UBE2L3: variants seen among roughly 807,000 people sequenced by gnomAD.
UBE2L3 encodes the protein ubiquitin conjugating enzyme E2 L3.
UBE2L3 carries 1 observed loss-of-function variant against 17.8 expected under a neutral mutation model. The ratio of observed to expected loss-of-function variants is 0.06; its 90% confidence interval spans 0.02 to 0.27. UBE2L3 has a LOEUF of 0.27. UBE2L3 is among the 10% of genes least tolerant of loss of function. UBE2L3 has a pLI of 1.00. For synonymous variants in UBE2L3, 44 were observed against 68.5 expected (o/e 0.64, Z 1.76); for missense variants, 40 against 192.6 (o/e 0.21, Z 4.69).
chr22:21,581,390 A>G (rs1404387097), intron 1 of UBE2L3, among the ~76,000 whole-genome samples: 1 of 151,972 alleles, frequency 6.6e-6, no homozygotes, highest in Non-Finnish European at 1.5e-5. Flanking sequence ...GGATCTTGCT[A>G]TGTTGCCTAG....
intron 1 of UBE2L3, among the ~76,000 whole-genome samples, chr22:21,561,807 G>T (rs1242666510): frequency 6.6e-6 from 1 of 152,250 alleles, no homozygotes; most frequent in Non-Finnish European, 1.5e-5. Flanking sequence ...GTCAGAGGGA[G>T]GTTGAGGCAA....
At chr22:21,576,626 G>A (rs1271682791) in intron 1 of UBE2L3, among the ~76,000 whole-genome samples, 1 of 151,672 alleles carries the variant, frequency 6.6e-6, no homozygotes, top group Non-Finnish European at 1.5e-5. Flanking sequence ...AGTAGAGCTG[G>A]GGTTTCACCA....
intron 1 of UBE2L3, among the ~76,000 whole-genome samples, chr22:21,562,263 C>T (rs1322379815): frequency 6.6e-6 from 1 of 150,564 alleles, no homozygotes; most frequent in Non-Finnish European, 1.5e-5. Context: ...GGCGTGATCT[C>T]GGCTCACTGC....
At chr22:21,586,582 T>C (rs1927947669) in intron 1 of UBE2L3, among the ~76,000 whole-genome samples, 1 of 151,482 alleles carries the variant, frequency 6.6e-6, no homozygotes, top group Admixed American at 6.6e-5. Context: ...TTTTTTTTTT[T>C]TTTTAAACGG....
chr22:21,615,484 G>C (rs573433543), intron 3 of UBE2L3, among the ~76,000 whole-genome samples: 1 of 151,856 alleles, frequency 6.6e-6, no homozygotes, highest in Non-Finnish European at 1.5e-5. Flanking sequence ...GAACCTGGGA[G>C]GCGGAGATTG....
chr22:21,558,644 A>C (rs5998485), intron 1 of UBE2L3, among the ~76,000 whole-genome samples: 5 of 149,234 alleles, frequency 3.4e-5, no homozygotes, highest in African/African-American at 5.1e-5. Context: ...AAAAAAAAAA[A>C]AAAAACACTT....
At chr22:21,575,661 G>A (rs1274323048) in intron 1 of UBE2L3, among the ~76,000 whole-genome samples, 2 of 31,070 alleles carry the variant, frequency 6.4e-5, no homozygotes, top group African/African-American at 2.6e-4. Flanking sequence ...TTTTTTTTTG[G>A]AGACGGAGTC....
chr22:21,607,512 CT>C, intron 2 of UBE2L3, among the ~76,000 whole-genome samples: 1 of 106,990 alleles, frequency 9.3e-6, no homozygotes, highest in Non-Finnish European at 1.8e-5. Flanking sequence ...GAGACTCCGT[CT>C]TAAAAAAAAA....
chr22:21,581,951 A>G (rs77718294), intron 1 of UBE2L3, among the ~76,000 whole-genome samples: 1,829 of 140,970 alleles, frequency 0.013, 91 homozygotes, highest in South Asian at 0.12. Flanking sequence ...ATGTCTACTG[A>G]AAAAAAAAAA....
chr22:21,582,992 G>A (rs1471469568), intron 1 of UBE2L3, among the ~76,000 whole-genome samples: 1 of 152,138 alleles, frequency 6.6e-6, no homozygotes, highest in Non-Finnish European at 1.5e-5. Context: ...ACCCATCTAA[G>A]CCCTTCCCCT....
At chr22:21,614,722 C>T in intron 3 of UBE2L3, 1 of 1,129,406 alleles carries the variant, frequency 8.9e-7, no homozygotes, top group South Asian at 1.3e-5. Flanking sequence ...CCCAGCAATT[C>T]CACTCTTAGC....
intron 2 of UBE2L3, among the ~76,000 whole-genome samples, chr22:21,604,913 C>T (rs1414371365): frequency 1.3e-5 from 2 of 152,142 alleles, no homozygotes; most frequent in African/African-American, 4.8e-5. Context: ...CCTGGCCTGC[C>T]TCATGTAGTA....
At chr22:21,608,916 A>C (rs1343684769) in intron 2 of UBE2L3, among the ~76,000 whole-genome samples, 1 of 147,922 alleles carries the variant, frequency 6.8e-6, no homozygotes, top group Admixed American at 6.7e-5. Context: ...TTTTTTTGAG[A>C]CTCAGTCTCG....
intron 1 of UBE2L3, among the ~76,000 whole-genome samples, chr22:21,574,835 C>T (rs998448084): frequency 3.9e-5 from 6 of 151,974 alleles, no homozygotes; most frequent in Non-Finnish European, 5.9e-5. Context: ...CCTGGTGGTG[C>T]GTGCCTGTAA....
chr22:21,613,396 G>T (rs1214318822), intron 3 of UBE2L3, among the ~76,000 whole-genome samples: 3 of 152,076 alleles, frequency 2.0e-5, no homozygotes, highest in African/African-American at 7.2e-5. Context: ...CTGTTGACTT[G>T]GGATTTTTAA....
intron 1 of UBE2L3, among the ~76,000 whole-genome samples, chr22:21,576,454 T>G (rs1047807777): frequency 6.6e-6 from 1 of 151,980 alleles, no homozygotes; most frequent in African/African-American, 2.4e-5. Context: ...CCCGCCACCA[T>G]GCCCAGCTAA....
At chr22:21,562,116 G>A (rs1438825091) in intron 1 of UBE2L3, among the ~76,000 whole-genome samples, 8 of 151,074 alleles carry the variant, frequency 5.3e-5, no homozygotes, top group East Asian at 1.9e-4. Flanking sequence ...CCTCAACACC[G>A]TCTGGTGTTT....
chr22:21,611,051 ATGTGCCTGTGTC>A lies in UBE2L3; in HGVS notation c.310+10_310+21del. On this transcript the variant is annotated intron_variant, in intron 3 of 3. Transcript: ENST00000342192. ...CAACCAAAACCGACCAAGGTAAGAC[ATGTGCCTGTGTC>A]TTCCTCGGAGGGGGTCTTTGGGGGT... is the stretch of plus-strand genomic sequence containing the variant. The A allele has an allele frequency of 1.3e-6, 2 of 1,592,520 alleles. No individual in the cohort carries two copies. The highest frequency in any genetic ancestry group is 1.7e-6 in the Non-Finnish European group (2 of 1,170,004).
intron 3 of UBE2L3, among the ~76,000 whole-genome samples, chr22:21,614,168 A>C (rs1012069408): frequency 3.9e-5 from 6 of 152,118 alleles, no homozygotes; most frequent in Non-Finnish European, 8.8e-5. Flanking sequence ...CTGATTCTTC[A>C]TATGTTGGGT....
Sources: allele counts gnomAD v4.1 joint callset (sites outside exome capture counted in the v4.1 genomes callset), GRCh38; gene constraint gnomAD v4.1.1; transcripts MANE v1.5; gene names NCBI Gene and HGNC (gene_info 2026-07-23, HGNC 2026-07-21).